Variants in BAZ2B observed in about 807,000 individuals in gnomAD.
BAZ2B encodes bromodomain adjacent to zinc finger domain 2B.
BAZ2B carries 91 observed loss-of-function variants against 246.0 expected under a neutral mutation model. That is an observed-to-expected ratio of 0.37 (90% confidence interval 0.31 to 0.44). The LOEUF is 0.44. Ranked by LOEUF, BAZ2B falls within the 20% of genes least tolerant of loss-of-function variation. The probability of loss-of-function intolerance (pLI) is 1.00; values close to 1 mark genes in which losing one functional copy is unlikely to be tolerated. For missense variants in BAZ2B, 2,332 were observed against 2,533.7 expected (o/e 0.92, Z 1.71); for synonymous variants, 855 against 860.0 (o/e 0.99, Z 0.10).
the BAZ2B span, among the ~76,000 whole-genome samples, chr2:159,632,197 T>C: frequency 6.6e-6 from 1 of 152,210 alleles, no homozygotes; most frequent in Non-Finnish European, 1.5e-5. Flanking sequence ...ATGACAATCC[T>C]GTATGAAATC....
the BAZ2B span, among the ~76,000 whole-genome samples, chr2:159,688,971 T>G: frequency 6.6e-6 from 1 of 152,224 alleles, no homozygotes; most frequent in Admixed American, 6.5e-5. Flanking sequence ...GTATGTCCAT[T>G]GTATAGTTGC....
At chr2:159,688,573 T>C in the BAZ2B span, among the ~76,000 whole-genome samples, 1 of 152,138 alleles carries the variant, frequency 6.6e-6, no homozygotes, top group African/African-American at 2.4e-5. Context: ...ATTTCACCAA[T>C]TGTTTCACTA....
intron 1 of BAZ2B, among the ~76,000 whole-genome samples, chr2:159,567,338 A>C (rs1161005679): frequency 2.0e-5 from 3 of 152,214 alleles, no homozygotes; most frequent in Non-Finnish European, 4.4e-5. Flanking sequence ...TGCAGAGAAG[A>C]AATGGCTGTC....
intron 27 of BAZ2B, among the ~76,000 whole-genome samples, chr2:159,366,389 T>G (rs989608365): frequency 6.6e-6 from 1 of 152,230 alleles, no homozygotes; most frequent in African/African-American, 2.4e-5. Flanking sequence ...AAAGGCATGC[T>G]TACCCTGCCT....
At chr2:159,664,071 C>T in the BAZ2B span, among the ~76,000 whole-genome samples, 1 of 57,698 alleles carries the variant, frequency 1.7e-5, no homozygotes, top group East Asian at 5.2e-4. Context: ...ATTCCCCTTC[C>T]TGTGTCCATG....
At position 159,318,980 on chromosome 2, in the gene BAZ2B, T is replaced by A. The variant is rs746389661; in HGVS notation, c.*1285A>T. ...GGTACATTAAGAAAAACTAAAAAAT[T>A]AGTTTGTAAAAGTCTTTTATTGTAT... On this transcript the variant is annotated 3_prime_UTR_variant, in exon 37 of 37. Coordinates refer to ENST00000392783, the MANE Select transcript of BAZ2B (RefSeq NM_013450.4). The A allele has an allele frequency of 6.6e-6, 1 of 152,608 alleles. No homozygotes were observed. Among genetic ancestry groups the A allele is most frequent in the African/African-American group, 2.4e-5 (1 of 41,438 alleles). The allele number at this position is 152,608 out of a possible 1,614,324, so 9.5% of individuals were successfully genotyped here.
At chr2:159,659,436 G>C in the BAZ2B span, among the ~76,000 whole-genome samples, 1 of 152,168 alleles carries the variant, frequency 6.6e-6, no homozygotes, top group Non-Finnish European at 1.5e-5. Flanking sequence ...GTTAGCAAGG[G>C]ATGTGTGGAG....
chr2:159,615,821 C>G (rs573524131), intron 1 of BAZ2B: 1 of 152,566 alleles, frequency 6.6e-6, no homozygotes, highest in East Asian at 1.9e-4. Flanking sequence ...GCCAGGGCGG[C>G]CGGCACAAAG....
Position 159,397,180 on chromosome 2 carries a change from C to T in BAZ2B, c.3009+165G>A, listed in dbSNP as rs930059609. On this transcript the variant is annotated intron_variant, in intron 19 of 36. Transcript: ENST00000392783. ...CCAATTTTTTAACCCCCCAAAAAGA[C>T]ACCAATACCAAAGCAAGGCAATAAA... is the stretch of plus-strand genomic sequence containing the variant. 4.4e-6 allele frequency: 6 copies of T among 1,362,244 alleles called. No homozygotes were observed. The African/African-American group carries it at 8.8e-5, about 20-fold the overall frequency. The allele number at this position is 1,362,244 out of a possible 1,614,324, so 84.4% of individuals were successfully genotyped here.
the BAZ2B span, among the ~76,000 whole-genome samples, chr2:159,666,254 ATT>A: frequency 8.4e-6 from 1 of 119,322 alleles, no homozygotes; most frequent in African/African-American, 3.1e-5. Context: ...TTTTTTTATG[ATT>A]CTTTTTTTTT....
chr2:159,566,370 C>T (rs1168897908), intron 1 of BAZ2B, among the ~76,000 whole-genome samples: 1 of 152,174 alleles, frequency 6.6e-6, no homozygotes, highest in East Asian at 1.9e-4. Context: ...CATGCAGTTG[C>T]ATAGTGTAAA....
At chr2:159,461,948 A>C (rs766923906) in intron 3 of BAZ2B, 2 of 153,982 alleles carry the variant, frequency 1.3e-5, no homozygotes, top group African/African-American at 4.8e-5. Context: ...TGTGCCTTCC[A>C]CTTAGCTATA....
At chr2:159,383,487 G>A (rs2062248947) in intron 24 of BAZ2B, 119 bp downstream of exon 24, 1 of 864,472 alleles carries the variant, frequency 1.2e-6, no homozygotes, top group East Asian at 2.7e-5. Flanking sequence ...CATCTAAATT[G>A]AGCATTATCT....
At chr2:159,585,423 A>G (rs1016524947) in intron 1 of BAZ2B, among the ~76,000 whole-genome samples, 4 of 152,230 alleles carry the variant, frequency 2.6e-5, no homozygotes, top group Non-Finnish European at 4.4e-5. Context: ...CTCAACAGAC[A>G]CATAAAAAAA....
intron 1 of BAZ2B, among the ~76,000 whole-genome samples, chr2:159,609,510 A>T (rs548781796): frequency 6.6e-6 from 1 of 152,334 alleles, no homozygotes; most frequent in South Asian, 2.1e-4. Flanking sequence ...CTAGTAAAAT[A>T]TTATTAGCAA....
the BAZ2B span, among the ~76,000 whole-genome samples, chr2:159,674,588 C>T: frequency 1.3e-5 from 2 of 151,438 alleles, no homozygotes; most frequent in African/African-American, 4.8e-5. Context: ...TGGTGGCACG[C>T]ATCTGTAATC....
chr2:159,462,110 T>C (rs927657139), intron 3 of BAZ2B: 2 of 262,672 alleles, frequency 7.6e-6, no homozygotes, highest in African/African-American at 2.3e-5. Flanking sequence ...TTTTAAACAG[T>C]AAAATGTCTC....
intron 1 of BAZ2B, among the ~76,000 whole-genome samples, chr2:159,589,610 G>C (rs1208860326): frequency 6.6e-6 from 1 of 152,052 alleles, no homozygotes; most frequent in African/African-American, 2.4e-5. Flanking sequence ...AGAATATAAA[G>C]CATTCACAAT....
chr2:159,432,865 T>C lies in BAZ2B; in HGVS notation c.1792A>G (p.Ile598Val). 2.5e-6 allele frequency: 4 copies of C among 1,614,208 alleles called. No individual in the cohort carries two copies. Among genetic ancestry groups the C allele is most frequent in the Non-Finnish European group, 3.4e-6 (4 of 1,180,024 alleles). Reference sequence around the variant, plus strand: ...TCTTCAGAATCTTTACTACTGGGAATGTCTGAATCTGTTCCTCTGAATTGT... The same window carrying C: ...TCTTCAGAATCTTTACTACTGGGAACGTCTGAATCTGTTCCTCTGAATTGT... ...VEQFRGTDSDIPSSKDSEDSN... is the reference protein window; with the variant it reads ...VEQFRGTDSDVPSSKDSEDSN... Residue 598 changes from isoleucine to valine, a missense_variant, in exon 9 of 37, where the codon ATT becomes GTT. Transcript: ENST00000392783.
Sources: allele counts gnomAD v4.1 joint callset (sites outside exome capture counted in the v4.1 genomes callset), GRCh38; gene constraint gnomAD v4.1.1; transcripts MANE v1.5; gene names NCBI Gene and HGNC (gene_info 2026-07-23, HGNC 2026-07-21).